The following GOLGA6L9 variants were observed in gnomAD, a reference collection of about 807,000 sequenced individuals.
The protein encoded by GOLGA6L9 is golgin A6 family like 9, also known as golgin subfamily A member 6-like protein 9.
A neutral mutation model predicts 51.3 loss-of-function variants in GOLGA6L9; 19 were observed. The observed-to-expected ratio is 0.37, with a 90% CI of 0.26 to 0.54. The LOEUF (loss-of-function observed/expected upper bound fraction) is 0.54. GOLGA6L9 is among the 20% of genes least tolerant of loss of function. The pLI is 0.83. For missense variants in GOLGA6L9, 247 were observed against 464.1 expected, an observed-to-expected ratio of 0.53 and a Z score of 4.30; for synonymous variants, 97 against 184.2, an observed-to-expected ratio of 0.53 and a Z score of 3.83.
At position 82,432,780 on chromosome 15, in the gene GOLGA6L9, A is replaced by G. The variant is rs1319125765; in HGVS notation, c.265-37A>G. ...ATTATTCTCTCTACCCCTCCCCACAATCTTTCTCCAACTCCTTCTCTCTGC... is the reference window on the plus strand; with the variant it reads ...ATTATTCTCTCTACCCCTCCCCACAGTCTTTCTCCAACTCCTTCTCTCTGC... On this transcript the variant is annotated intron_variant, in intron 3 of 8. Transcript: ENST00000618348. 1.6e-5 allele frequency: 24 copies of G among 1,531,838 alleles called. No individual in the cohort carries two copies. In the African/African-American group the frequency reaches 1.6e-4, roughly 10 times the overall value. The allele number at this position is 1,531,838 out of a possible 1,614,324, so 94.9% of individuals were successfully genotyped here.
chr15:82,429,136 A>G (rs1273251775), upstream of GOLGA6L9, among the ~76,000 whole-genome samples: 6 of 151,452 alleles, frequency 4.0e-5, no homozygotes, highest in African/African-American at 1.2e-4. Context: ...GTGCAGTGGC[A>G]TGAGCTTGGC....
At chr15:82,416,539 A>G in the GOLGA6L9 span, among the ~76,000 whole-genome samples, 2 of 152,210 alleles carry the variant, frequency 1.3e-5, no homozygotes, top group African/African-American at 4.8e-5. Flanking sequence ...GAGAACCTAC[A>G]TTGGTGTGGT....
the GOLGA6L9 span, chr15:82,418,597 C>G: frequency 1.3e-5 from 2 of 152,120 alleles, no homozygotes; most frequent in Non-Finnish European, 2.9e-5. Flanking sequence ...ACATCTTGAT[C>G]TAAATAATTT....
chr15:82,435,354 T>A (rs1361431616), intron 7 of GOLGA6L9: 14 of 327,502 alleles, frequency 4.3e-5, no homozygotes, highest in Non-Finnish European at 5.8e-6. Flanking sequence ...ATAATAATAA[T>A]AATTAGCCAG....
upstream of GOLGA6L9, among the ~76,000 whole-genome samples, chr15:82,429,702 C>G (rs2031334376): frequency 6.6e-6 from 1 of 152,144 alleles, no homozygotes; most frequent in South Asian, 2.1e-4. Context: ...CACATAGATA[C>G]ACACAGACAC....
Position 82,436,536 on chromosome 15 carries a change from T to G in GOLGA6L9, c.*125T>G, listed in dbSNP as rs2150832192. On this transcript the variant is annotated 3_prime_UTR_variant, in exon 9 of 9. Coordinates refer to ENST00000618348, the MANE Select transcript of GOLGA6L9 (RefSeq NM_198181.4). ...TGTGTTTCTAATTTATAGTTTAAAT[T>G]TATTTGTGTTTCTAATTTATAGTTT... The G allele has an allele frequency of 7.8e-7, 1 of 1,289,850 alleles. No individual in the cohort carries two copies. The highest frequency in any genetic ancestry group is 2.6e-5 in the Admixed American group (1 of 38,284). 79.9% of individuals were successfully genotyped at this position (1,289,850 alleles called of 1,614,324 possible).
In GOLGA6L9 at chr15:82,438,346, T is replaced by G. The variant is rs1398909842; in HGVS notation, c.*1935T>G. On this transcript the variant is annotated 3_prime_UTR_variant, in exon 9 of 9. Transcript: ENST00000618348. Reference sequence around the variant, plus strand: ...TGAATGTCAGTCTGAAAAATAAATGTACTATATTAACTCAAATACCACTCT... The same window carrying G: ...TGAATGTCAGTCTGAAAAATAAATGGACTATATTAACTCAAATACCACTCT... 4.8e-4 allele frequency: 73 copies of G among 151,242 alleles called. No individual in the cohort carries two copies. The Middle Eastern group carries it at 0.017, about 35-fold the overall frequency. 9.4% of individuals were successfully genotyped at this position (151,242 alleles called of 1,614,324 possible). A position where few individuals can be genotyped will look rare whatever the true frequency, so the allele number is the denominator to read the frequency against.
At chr15:82,417,995 G>C in the GOLGA6L9 span, among the ~76,000 whole-genome samples, 2 of 152,176 alleles carry the variant, frequency 1.3e-5, no homozygotes, top group Non-Finnish European at 2.9e-5. Context: ...ATTTTTCGGA[G>C]AGTTTTTCTT....
upstream of GOLGA6L9, among the ~76,000 whole-genome samples, chr15:82,429,016 C>T (rs2031295441): frequency 6.6e-6 from 1 of 152,116 alleles, no homozygotes; most frequent in Non-Finnish European, 1.5e-5. Flanking sequence ...CAGTAAAGAG[C>T]TTTAAGTGCT....
chr15:82,431,930 G>C lies in GOLGA6L9; in HGVS notation c.185G>C (p.Gly62Ala). Residue 62 changes from glycine to alanine, a missense_variant, in exon 2 of 9, where the codon GGT (glycine) becomes GCT (alanine). Coordinates refer to ENST00000618348, the MANE Select transcript of GOLGA6L9 (RefSeq NM_198181.4). ...GSSPDTFTSG[G>A]YHSPGDSATG... ...AGCCCTGACACATTCACTTCTGGTG[G>C]TTACCACTCACCTGGGGATGTGAGT... 1 of 1,352,982 alleles carries C rather than the reference G, an allele frequency of 7.4e-7. No individual in the cohort carries two copies. Among genetic ancestry groups the C allele is most frequent in the Non-Finnish European group, 9.8e-7 (1 of 1,022,912 alleles). The allele number at this position is 1,352,982 out of a possible 1,614,324, so 83.8% of individuals were successfully genotyped here.
chr15:82,429,590 G>A (rs1381425106), upstream of GOLGA6L9, among the ~76,000 whole-genome samples: 5 of 152,018 alleles, frequency 3.3e-5, no homozygotes, highest in Non-Finnish European at 7.4e-5. Flanking sequence ...TCTCAGTTAA[G>A]GTAATACTTG....
Position 82,438,523 on chromosome 15 carries a change from T to C in GOLGA6L9, c.*2112T>C, listed in dbSNP as rs1368277382. ...TTCAGCCAAGTATTTGTTCTCTACC[T>C]CATTCAGTATAAGGCAGCCTTTAAT... is the stretch of plus-strand genomic sequence containing the variant. On this transcript the variant is annotated 3_prime_UTR_variant, in exon 9 of 9. Transcript: ENST00000618348. The C allele has an allele frequency of 6.7e-6, 1 of 150,120 alleles. No homozygotes were observed. Among genetic ancestry groups the C allele is most frequent in the Non-Finnish European group, 1.5e-5 (1 of 67,394 alleles). 9.3% of individuals were successfully genotyped at this position (150,120 alleles called of 1,614,324 possible). A position where few individuals can be genotyped will look rare whatever the true frequency, so the allele number is the denominator to read the frequency against.
the GOLGA6L9 span, among the ~76,000 whole-genome samples, chr15:82,418,028 TA>T: frequency 6.6e-6 from 1 of 152,190 alleles, no homozygotes; most frequent in Non-Finnish European, 1.5e-5. Context: ...TTCCTTCCAT[TA>T]AACTTTCACT....
At chr15:82,429,136 A>C (rs1273251775), upstream of GOLGA6L9, among the ~76,000 whole-genome samples, 3 of 151,454 alleles carry the variant, frequency 2.0e-5, no homozygotes, top group Non-Finnish European at 4.4e-5. Context: ...GTGCAGTGGC[A>C]TGAGCTTGGC....
At chr15:82,416,826 CCAAA>C in the GOLGA6L9 span, among the ~76,000 whole-genome samples, 1 of 151,960 alleles carries the variant, frequency 6.6e-6, no homozygotes, top group Non-Finnish European at 1.5e-5. Flanking sequence ...CTTGACATAC[CCAAA>C]CATTTTTTAA....
At chr15:82,427,709 G>C (rs2031241409), upstream of GOLGA6L9, among the ~76,000 whole-genome samples, 1 of 151,268 alleles carries the variant, frequency 6.6e-6, no homozygotes, top group South Asian at 2.1e-4. Flanking sequence ...AAAAATTTTT[G>C]TGGAGATGTG....
chr15:82,429,608 T>C (rs2031329624), upstream of GOLGA6L9, among the ~76,000 whole-genome samples: 1 of 152,158 alleles, frequency 6.6e-6, no homozygotes, highest in South Asian at 2.1e-4. Flanking sequence ...TTGTAATTCT[T>C]GTGCTCCATT....
upstream of GOLGA6L9, among the ~76,000 whole-genome samples, chr15:82,429,420 T>C (rs1371048549): frequency 1.9e-4 from 28 of 148,154 alleles, no homozygotes; most frequent in Non-Finnish European, 3.9e-4. Flanking sequence ...TTCTTGTTTT[T>C]AAAAGAAATC....
At chr15:82,418,117 G>C in the GOLGA6L9 span, among the ~76,000 whole-genome samples, 3 of 152,158 alleles carry the variant, frequency 2.0e-5, no homozygotes, top group South Asian at 6.2e-4. Flanking sequence ...GAGTTAAAGA[G>C]GGCTTCTTTC....
Sources: gnomAD v4.1 joint callset for allele counts (sites outside exome capture counted in the v4.1 genomes callset) on GRCh38, gnomAD v4.1.1 for gene constraint, MANE v1.5 for transcripts, NCBI Gene and HGNC (gene_info 2026-07-23, HGNC 2026-07-21) for gene names.